The following PRDM11 variants were observed in gnomAD, a reference collection of about 807,000 sequenced individuals.
PRDM11 encodes the protein PR/SET domain 11.
Under a neutral mutation model 97.8 loss-of-function variants are expected in PRDM11, and 20 were observed. The observed-to-expected ratio is 0.20, with a 90% CI of 0.14 to 0.30. The LOEUF (loss-of-function observed/expected upper bound fraction) is 0.30. Ranked by LOEUF, PRDM11 falls within the 10% of genes least tolerant of loss-of-function variation. The probability of loss-of-function intolerance (pLI) is 1.00; values close to 1 mark genes in which losing one functional copy is unlikely to be tolerated. For synonymous variants in PRDM11, 599 were observed against 637.7 expected (o/e 0.94, Z 0.91); for missense variants, 1,139 against 1,555.2 (o/e 0.73, Z 4.50).
chr11:45,147,286 A>ACGGCCGGGGCGGGGCG (rs1565263235), intron 1 of PRDM11: 1 of 151,150 alleles, frequency 6.6e-6, no homozygotes, highest in African/African-American at 2.4e-5. Context: ...ACGCGGTGAC[A>ACGGCCGGGGCGGGGCG]CGGACGGGGC....
At chr11:45,147,155 G>C (rs999334648) in intron 1 of PRDM11, among the ~76,000 whole-genome samples, 13 of 151,580 alleles carry the variant, frequency 8.6e-5, no homozygotes, top group African/African-American at 3.1e-4. Flanking sequence ...CTTCCTCCCA[G>C]CTCGCTCGCT....
intron 4 of PRDM11, among the ~76,000 whole-genome samples, chr11:45,194,413 C>G (rs141389640): frequency 6.6e-6 from 1 of 152,028 alleles, no homozygotes. Flanking sequence ...TCTTGTTGAA[C>G]TAGGCTCTCT....
At position 45,227,417 on chromosome 11, in the gene PRDM11, A is replaced by G. The variant is rs1652236620; in HGVS notation, c.2792A>G (p.Gln931Arg). The change falls in exon 8 of 8, where the codon CAG becomes CGG. Residue 931 changes from glutamine (Q) to arginine (R), a missense_variant. Physicochemically the swap from Gln to Arg is conservative, Grantham distance 43. Transcript: ENST00000683152. This position sits in a 1 kb window ranked among gnomAD's most constrained non-coding sequence, Gnocchi z 8.0. Reference protein sequence around the residue: ...RLADSPGEYLQEFEENFRESF... With the variant: ...RLADSPGEYLREFEENFRESF... The stretch of plus-strand genomic sequence containing the variant: ...GCTGACTCCCCGGGAGAATACCTGC[A>G]GGAGTTCGAGGAGAATTTCCGAGAG... 2 of 1,533,786 alleles carry G rather than the reference A, an allele frequency of 1.3e-6. No homozygotes were observed. Among genetic ancestry groups the G allele is most frequent in the Admixed American group, 2.0e-5 (1 of 50,974 alleles).
At chr11:45,213,789 A>T in intron 5 of PRDM11, 1 of 447,570 alleles carries the variant, frequency 2.2e-6, no homozygotes, top group Non-Finnish European at 4.6e-6. Context: ...CAAATGACAC[A>T]GCCAGTTAGT....
At position 45,119,797 on chromosome 11, in the gene PRDM11, T is replaced by C. The variant is rs1852390029; in HGVS notation, c.96+23896T>C. 4.6e-5 allele frequency among the ~76,000 whole-genome samples: 7 copies of C among 152,248 alleles called. No individual in the cohort carries two copies. In the South Asian group the frequency reaches 6.2e-4, roughly 14 times the overall value. ...ACTAAACCCTAATTACTGAAAGATA[T>C]TATCTATAGCCTCTATGGTCCTTCT... On this transcript the variant is annotated intron_variant, in intron 1 of 6. Coordinates refer to the PRDM11 transcript ENST00000530656.
intron 4 of PRDM11, among the ~76,000 whole-genome samples, chr11:45,186,301 T>C (rs1374921028): frequency 6.6e-6 from 1 of 151,910 alleles, no homozygotes; most frequent in Non-Finnish European, 1.5e-5. Context: ...TCAGAGAAGG[T>C]GAGTTCTGCT....
chr11:45,213,302 C>T (rs1446872725), intron 5 of PRDM11: 1 of 456,404 alleles, frequency 2.2e-6, no homozygotes, highest in East Asian at 6.9e-5. Context: ...GGAGATCGTT[C>T]TCCTCTTGGT....
At chr11:45,174,142 A>G (rs1852271398) in intron 1 of PRDM11, among the ~76,000 whole-genome samples, 1 of 152,070 alleles carries the variant, frequency 6.6e-6, no homozygotes, top group Non-Finnish European at 1.5e-5. Context: ...ATACAGTATG[A>G]GTCTGTACTC....
At chr11:45,127,644 A>C (rs570238396) in intron 1 of PRDM11, among the ~76,000 whole-genome samples, 1 of 152,306 alleles carries the variant, frequency 6.6e-6, no homozygotes, top group African/African-American at 2.4e-5. Flanking sequence ...GTGGCTGCAG[A>C]ACAGCGGTGG....
chr11:45,133,678 C>A (rs1305965829), intron 1 of PRDM11, among the ~76,000 whole-genome samples: 1 of 152,198 alleles, frequency 6.6e-6, no homozygotes, highest in Non-Finnish European at 1.5e-5. Flanking sequence ...TTCCCTTCTT[C>A]TACTGGCATG....
intron 1 of PRDM11, chr11:45,095,933 C>T: frequency 1.3e-6 from 1 of 778,034 alleles, no homozygotes; most frequent in Non-Finnish European, 2.4e-6. Flanking sequence ...TGTGGGGGCT[C>T]CTCAAAACGC....
chr11:45,167,386 A>G (rs543395380), intron 1 of PRDM11, among the ~76,000 whole-genome samples: 3 of 152,230 alleles, frequency 2.0e-5, no homozygotes, highest in African/African-American at 7.2e-5. Context: ...CCAAGAGTCA[A>G]TGGATCAGCA....
intron 1 of PRDM11, among the ~76,000 whole-genome samples, chr11:45,101,567 A>AAAAAGAAGAAGAAGAAG (rs767802218): frequency 2.1e-5 from 2 of 96,834 alleles, no homozygotes; most frequent in African/African-American, 9.8e-5. Context: ...AAAAAAAAAA[A>AAAAAGAAGAAGAAGAAG]AAGAAGAAGA....
At chr11:45,154,494 G>C (rs1309708681) in intron 1 of PRDM11, among the ~76,000 whole-genome samples, 1 of 152,210 alleles carries the variant, frequency 6.6e-6, no homozygotes, top group Non-Finnish European at 1.5e-5. Context: ...AAATGATACT[G>C]GGTACGGGAA....
chr11:45,149,951 C>A (rs1851619129), intron 1 of PRDM11, among the ~76,000 whole-genome samples: 1 of 152,170 alleles, frequency 6.6e-6, no homozygotes, highest in Non-Finnish European at 1.5e-5. Context: ...AGAGAGAGGA[C>A]CCTGACTTGG....
chr11:45,226,854 CAT>C lies in PRDM11; in HGVS notation c.2230_2231del (p.Met744ValfsTer70). 1 of 1,533,944 alleles carries C rather than the reference CAT, an allele frequency of 6.5e-7. No individual in the cohort carries two copies. Among genetic ancestry groups the C allele is most frequent in the Non-Finnish European group, 8.7e-7 (1 of 1,146,730 alleles). On this transcript the variant is annotated frameshift_variant, in exon 8 of 8. Transcript: ENST00000683152. LOFTEE classifies it high-confidence loss of function. ...ANITASLRAS[M>X]FMTIRKTLPW... The stretch of plus-strand genomic sequence containing the variant: ...ACATCACAGCCAGCCTCCGTGCCAG[CAT>C]GTTCATGACCATCCGCAAGACGCTG...
At chr11:45,207,680 G>T (rs189618077) in intron 5 of PRDM11, among the ~76,000 whole-genome samples, 1 of 152,172 alleles carries the variant, frequency 6.6e-6, no homozygotes, top group Non-Finnish European at 1.5e-5. Context: ...CGAGTCCCAT[G>T]GCTTGGCCCA....
intron 1 of PRDM11, among the ~76,000 whole-genome samples, chr11:45,163,910 G>A (rs772344791): frequency 6.6e-6 from 1 of 152,198 alleles, no homozygotes; most frequent in African/African-American, 2.4e-5. Context: ...TGACGGTGTG[G>A]TGGGGCTCGC....
chr11:45,180,005 C>T (rs1051927944), intron 1 of PRDM11, among the ~76,000 whole-genome samples: 1 of 152,236 alleles, frequency 6.6e-6, no homozygotes, highest in Non-Finnish European at 1.5e-5. Flanking sequence ...GGGACCTGAA[C>T]CCACTTAAGG....
Sources: gnomAD v4.1 joint callset for allele counts (sites outside exome capture counted in the v4.1 genomes callset) on GRCh38, gnomAD v4.1.1 for gene constraint, Gnocchi (gnomAD v3.1) non-coding constraint, MANE v1.5 for transcripts, NCBI Gene and HGNC (gene_info 2026-07-23, HGNC 2026-07-21) for gene names.